SIX2: variants seen among roughly 807,000 people sequenced by gnomAD.
The protein encoded by SIX2 is SIX homeobox 2.
In SIX2, 20 loss-of-function variants were observed where a neutral mutation model predicts 22.8. That is an observed-to-expected ratio of 0.88 (90% CI 0.62 to 1.28). The LOEUF (loss-of-function observed/expected upper bound fraction) is 1.28. SIX2 is among the 50% of genes most tolerant of loss of function. SIX2 has a pLI of 0.00. For synonymous variants in SIX2, 195 were observed against 186.4 expected (o/e 1.05, Z -0.37); for missense variants, 360 against 400.0 (o/e 0.90, Z 0.85).
chr2:45,006,566 GC>G lies in SIX2; in HGVS notation c.561-82del. 1 of 1,355,332 alleles carries G rather than the reference GC, an allele frequency of 7.4e-7. No homozygotes were observed. Among genetic ancestry groups the G allele is most frequent in the Non-Finnish European group, 1.0e-6 (1 of 957,176 alleles). 84.0% of individuals were successfully genotyped at this position (1,355,332 alleles called of 1,614,324 possible). A position where few individuals can be genotyped will look rare whatever the true frequency, so the allele number is the denominator to read the frequency against. Reference sequence around the variant, plus strand: ...GCCATCTCAGTCACAGTCAGAGCCAGCCACCAGCCTCGGGAGACAGATCCCG... The same window carrying G: ...GCCATCTCAGTCACAGTCAGAGCCAGCACCAGCCTCGGGAGACAGATCCCG... On this transcript the variant is annotated intron_variant, in intron 1 of 1. Transcript: ENST00000303077. The surrounding 1 kb of genome is among the most constrained non-coding windows in gnomAD (Gnocchi z 4.2).
At position 45,008,577 on chromosome 2, in the gene SIX2, G is replaced by A; in HGVS notation, c.534C>T (p.Arg178=). Residue 178 remains arginine (R), a synonymous_variant, in exon 1 of 2, where the codon CGC becomes CGT. Coordinates refer to ENST00000303077, the MANE Select transcript of SIX2 (RefSeq NM_016932.5). ...VSNWFKNRRQ[R]DRAAEAKERE... is the part of the protein sequence containing the mutation. ...TTTCCTTGGCCTCGGCCGCCCGGTC[G>A]CGCTGCCGCCGGTTCTTGAACCAGT... 1 of 1,613,888 alleles carries A rather than the reference G, an allele frequency of 6.2e-7. No homozygotes were observed. The highest frequency in any genetic ancestry group is 8.5e-7 in the Non-Finnish European group (1 of 1,179,958).
chr2:45,009,007 C>T lies in SIX2; in HGVS notation c.104G>A (p.Trp35Ter). 6.2e-7 allele frequency: 1 copy of T among 1,611,706 alleles called. No individual in the cohort carries two copies. The highest frequency in any genetic ancestry group is 8.5e-7 in the Non-Finnish European group (1 of 1,179,834). Residue 35 changes from tryptophan (W) to a stop codon, truncating the protein, a stop_gained, in exon 1 of 2, where the codon TGG becomes TAG. Coordinates refer to ENST00000303077, the MANE Select transcript of SIX2 (RefSeq NM_016932.5). LOFTEE classifies it high-confidence loss of function. ...GNIERLGRFL[W>*]SLPACEHLHK... The stretch of plus-strand genomic sequence containing the variant: ...AAGGTGCTCGCAGGCGGGCAGCGAC[C>T]ACAGGAAGCGGCCCAGCCGCTCGAT...
At position 45,005,343 on chromosome 2, in the gene SIX2, G is replaced by C. The variant is rs933020381; in HGVS notation, c.*827C>G. Reference sequence around the variant, plus strand: ...CCGGGAGCGCTGTAGTCACAGTCCCGGGAGGAAGAGCGCGGTGTGGCGGGG... The same window carrying C: ...CCGGGAGCGCTGTAGTCACAGTCCCCGGAGGAAGAGCGCGGTGTGGCGGGG... On this transcript the variant is annotated 3_prime_UTR_variant, in exon 2 of 2. Transcript: ENST00000303077. 4 of 152,350 alleles carry C rather than the reference G, an allele frequency of 2.6e-5. 1 individual carries two copies. The highest frequency in any genetic ancestry group is 7.2e-5 in the African/African-American group (3 of 41,568). 9.4% of individuals were successfully genotyped at this position (152,350 alleles called of 1,614,324 possible). A position where few individuals can be genotyped will look rare whatever the true frequency, so the allele number is the denominator to read the frequency against.
rs1359362660 is a variant in SIX2, at chr2:45,005,888, CAG to C, written c.*280_*281del. 2.5e-5 allele frequency: 14 copies of C among 554,520 alleles called. No homozygotes were observed. Among genetic ancestry groups the C allele is most frequent in the Non-Finnish European group, 3.9e-5 (12 of 308,030 alleles). The allele number at this position is 554,520 out of a possible 1,614,324, so 34.3% of individuals were successfully genotyped here. On this transcript the variant is annotated 3_prime_UTR_variant, in exon 2 of 2. Transcript: ENST00000303077. ...GACAAGAGAGGGTAAAAGGAAGAGA[CAG>C]AGGGAGAGAGAGAATGACAGTGGTG...
In SIX2 at chr2:45,006,265, C is replaced by A; in HGVS notation, c.781G>T (p.Gly261Cys). The A allele has an allele frequency of 6.2e-7, 1 of 1,614,202 alleles. No individual in the cohort carries two copies. Among genetic ancestry groups the A allele is most frequent in the Non-Finnish European group, 8.5e-7 (1 of 1,180,012 alleles). The stretch of plus-strand genomic sequence containing the variant: ...TGCAGTGGGTCCGCTCCACCTCCGC[C>A]TGGCACCGGCACTGGCACTGCGCTG... The part of the protein sequence containing the change: ...GPSAVPVPVP[G>C]GGGADPLQHH... Residue 261 changes from glycine to cysteine, a missense_variant, in exon 2 of 2, where the codon GGC becomes TGC. Physicochemically the swap from Gly to Cys is radical, Grantham distance 159 (BLOSUM62 -3). Coordinates refer to ENST00000303077, the MANE Select transcript of SIX2 (RefSeq NM_016932.5). The surrounding 1 kb of genome is among the most constrained non-coding windows in gnomAD (Gnocchi z 4.2).
In SIX2 at chr2:45,006,211, G is replaced by C. The variant is rs754988790; in HGVS notation, c.835C>G (p.Leu279Val). ...QHHHGLQDSI[L>V]NPMSANLVDL... Reference sequence around the variant, plus strand: ...ACGAGGTTGGCTGACATGGGGTTGAGGATGGAGTCCTGCAGGCCATGGTGG... The same window carrying C: ...ACGAGGTTGGCTGACATGGGGTTGACGATGGAGTCCTGCAGGCCATGGTGG... The change falls in exon 2 of 2, where the codon CTC (leucine) becomes GTC (valine). Residue 279 changes from leucine to valine, a missense_variant. This residue lies in a region of SIX2 where 235 missense variants were observed against 231.9 expected (regional missense o/e 1.01). Coordinates refer to ENST00000303077, the MANE Select transcript of SIX2 (RefSeq NM_016932.5). The surrounding 1 kb of genome is among the most constrained non-coding windows in gnomAD (Gnocchi z 4.2). 6.2e-7 allele frequency: 1 copy of C among 1,614,240 alleles called. No homozygotes were observed. The highest frequency in any genetic ancestry group is 8.5e-7 in the Non-Finnish European group (1 of 1,180,038).
chr2:45,007,138 G>T (rs554910167), intron 1 of SIX2, among the ~76,000 whole-genome samples: 12 of 152,324 alleles, frequency 7.9e-5, no homozygotes, highest in African/African-American at 2.6e-4. Context: ...CTCCCTTTCC[G>T]TGGTGGTACA....
At position 45,008,914 on chromosome 2, in the gene SIX2, A is replaced by G; in HGVS notation, c.197T>C (p.Leu66Pro). The G allele has an allele frequency of 6.2e-7, 1 of 1,613,864 alleles. No individual in the cohort carries two copies. The highest frequency in any genetic ancestry group is 8.5e-7 in the Non-Finnish European group (1 of 1,179,958). ...CTGGTGGCTCTCCAGGATCTTGTAG[A>G]GCTCGCGGAAGTTGCCGCGGTGGAA... The part of the protein sequence containing the change: ...VAFHRGNFRE[L>P]YKILESHQFS... The change falls in exon 1 of 2, where the codon CTC (leucine) becomes CCC (proline). Residue 66 changes from leucine (L) to proline (P), a missense_variant. Physicochemically the swap from Leu to Pro is moderately conservative, Grantham distance 98 (BLOSUM62 -3). Transcript: ENST00000303077.
chr2:45,006,201 A>T lies in SIX2; in HGVS notation c.845T>A (p.Met282Lys). The T allele has an allele frequency of 6.2e-7, 1 of 1,614,202 alleles. No homozygotes were observed. Residue 282 changes from methionine (M) to lysine (K), a missense_variant, in exon 2 of 2, where the codon ATG becomes AAG. Around this residue, in one of 3 missense-constraint regions of SIX2, gnomAD observed 235 missense variants for 231.9 expected, o/e 1.01. Transcript: ENST00000303077. This position sits in a 1 kb window ranked among gnomAD's most constrained non-coding sequence, Gnocchi z 4.2. The part of the protein sequence containing the change: ...HGLQDSILNP[M>K]SANLVDLGS ...GCCCAGGTCCACGAGGTTGGCTGAC[A>T]TGGGGTTGAGGATGGAGTCCTGCAG...
Position 45,005,724 on chromosome 2 carries a change from G to C in SIX2, c.*446C>G, listed in dbSNP as rs902304080. ...GGAGAAACAGAGAAGGAGAGAGAAA[G>C]GGAGAGACAGAAGGAGAGAATGAAC... On this transcript the variant is annotated 3_prime_UTR_variant, in exon 2 of 2. Transcript: ENST00000303077. 9 of 304,788 alleles carry C rather than the reference G, an allele frequency of 3.0e-5. No individual in the cohort carries two copies. Among genetic ancestry groups the C allele is most frequent in the Non-Finnish European group, 5.7e-5 (9 of 158,270 alleles). The allele number at this position is 304,788 out of a possible 1,614,324, so 18.9% of individuals were successfully genotyped here.
rs11540435 is a variant in SIX2, at chr2:45,008,858, G to A, written c.253C>T (p.Gln85Ter). ...FSPHNHAKLQ[Q>*]LWLKAHYIEA... Reference sequence around the variant, plus strand: ...ATGTAGTGTGCCTTGAGCCACAGCTGCTGCAGCTTGGCGTGGTTGTGCGGC... The same window carrying A: ...ATGTAGTGTGCCTTGAGCCACAGCTACTGCAGCTTGGCGTGGTTGTGCGGC... Residue 85 changes from glutamine (Q) to a stop codon, truncating the protein, a stop_gained, in exon 1 of 2, where the codon CAG becomes TAG. Coordinates refer to ENST00000303077, the MANE Select transcript of SIX2 (RefSeq NM_016932.5). LOFTEE classifies it high-confidence loss of function. 2 of 1,614,010 alleles carry A rather than the reference G, an allele frequency of 1.2e-6. No homozygotes were observed. The highest frequency in any genetic ancestry group is 1.7e-6 in the Non-Finnish European group (2 of 1,179,984).
chr2:45,009,219 C>G lies in SIX2; in HGVS notation c.-109G>C, dbSNP rs1200210494. 2.2e-6 allele frequency: 2 copies of G among 914,924 alleles called. No individual in the cohort carries two copies. Among genetic ancestry groups the G allele is most frequent in the Non-Finnish European group, 1.4e-6 (1 of 710,040 alleles). The allele number at this position is 914,924 out of a possible 1,614,324, so 56.7% of individuals were successfully genotyped here. A position where few individuals can be genotyped will look rare whatever the true frequency, so the allele number is the denominator to read the frequency against. ...CGGGCCGAGACGCGGGCGGGGCTGG[C>G]CCCCTGGCCCGGCACTGGCCCCCGG... On this transcript the variant is annotated 5_prime_UTR_variant, in exon 1 of 2. Coordinates refer to ENST00000303077, the MANE Select transcript of SIX2 (RefSeq NM_016932.5).
chr2:45,008,818 A>G lies in SIX2; in HGVS notation c.293T>C (p.Leu98Pro). ...LKAHYIEAEKLRGRPLGAVGK... is the reference protein window; with the variant it reads ...LKAHYIEAEKPRGRPLGAVGK... ...CACGGCGCCCAGGGGTCGGCCGCGC[A>G]GCTTCTCCGCCTCGATGTAGTGTGC... Residue 98 changes from leucine (L) to proline (P), a missense_variant, in exon 1 of 2, where the codon CTG becomes CCG. Coordinates refer to ENST00000303077, the MANE Select transcript of SIX2 (RefSeq NM_016932.5). The G allele has an allele frequency of 6.2e-7, 1 of 1,613,876 alleles. No homozygotes were observed. The highest frequency in any genetic ancestry group is 1.1e-5 in the South Asian group (1 of 91,086).
chr2:45,007,668 G>A (rs971549515), intron 1 of SIX2, among the ~76,000 whole-genome samples: 1 of 152,080 alleles, frequency 6.6e-6, no homozygotes, highest in Admixed American at 6.5e-5. Flanking sequence ...CTCTTACCCC[G>A]GGCTGGATTC....
In SIX2 at chr2:45,006,312, C is replaced by A; in HGVS notation, c.734G>T (p.Ser245Ile). The A allele has an allele frequency of 6.2e-7, 1 of 1,613,994 alleles. No homozygotes were observed. The highest frequency in any genetic ancestry group is 8.5e-7 in the Non-Finnish European group (1 of 1,179,904). The part of the protein sequence containing the change: ...PPPPGLPSLH[S>I]LGHPPGPSAV... The stretch of plus-strand genomic sequence containing the variant: ...GCTGGGGCCCGGAGGGTGGCCCAGG[C>A]TGTGCAGGGACGGCAGCCCAGGGGG... Residue 245 changes from serine (S) to isoleucine (I), a missense_variant, in exon 2 of 2, where the codon AGC (serine) becomes ATC (isoleucine). By Grantham distance (142) the Ser-to-Ile change is moderately radical. Coordinates refer to ENST00000303077, the MANE Select transcript of SIX2 (RefSeq NM_016932.5). This position sits in a 1 kb window ranked among gnomAD's most constrained non-coding sequence, Gnocchi z 4.2.
At chr2:45,008,479 C>G (rs781074095) in intron 1 of SIX2, 72 bp downstream of exon 1, 41 of 1,526,710 alleles carry the variant, frequency 2.7e-5, no homozygotes, top group Non-Finnish European at 3.7e-5. Flanking sequence ...TCCGGGGGAC[C>G]GGCAGAAGCC....
chr2:45,008,589 G>A lies in SIX2; in HGVS notation c.522C>T (p.Asn174=). The change falls in exon 1 of 2, where the codon AAC becomes AAT. Residue 174 remains asparagine (N), a synonymous_variant. Coordinates refer to ENST00000303077, the MANE Select transcript of SIX2 (RefSeq NM_016932.5). The stretch of plus-strand genomic sequence containing the variant: ...CGGCCGCCCGGTCGCGCTGCCGCCG[G>A]TTCTTGAACCAGTTGCTGACCTGTG... ...TTTQVSNWFK[N]RRQRDRAAEA... is the part of the protein sequence containing the mutation. 1 of 1,614,004 alleles carries A rather than the reference G, an allele frequency of 6.2e-7. No homozygotes were observed. The highest frequency in any genetic ancestry group is 2.2e-5 in the East Asian group (1 of 44,874).
At chr2:45,007,947 G>T (rs192449699) in intron 1 of SIX2, among the ~76,000 whole-genome samples, 1 of 152,146 alleles carries the variant, frequency 6.6e-6, no homozygotes, top group African/African-American at 2.4e-5. Context: ...CAGGGCATGC[G>T]TCTCTTCTCT....
Position 45,006,606 on chromosome 2 carries a change from C to A in SIX2, c.561-121G>T. The A allele has an allele frequency of 3.2e-6, 3 of 947,270 alleles. No individual in the cohort carries two copies. Among genetic ancestry groups the A allele is most frequent in the East Asian group, 2.4e-5 (1 of 41,098 alleles). 58.7% of individuals were successfully genotyped at this position (947,270 alleles called of 1,614,324 possible). Reference sequence around the variant, plus strand: ...AGACAGATCCCGGGCTTGTGGCCTGCGGGTGTTTTCGGTTTCTACCATTTC... The same window carrying A: ...AGACAGATCCCGGGCTTGTGGCCTGAGGGTGTTTTCGGTTTCTACCATTTC... On this transcript the variant is annotated intron_variant, in intron 1 of 1. Coordinates refer to ENST00000303077, the MANE Select transcript of SIX2 (RefSeq NM_016932.5). This position sits in a 1 kb window ranked among gnomAD's most constrained non-coding sequence, Gnocchi z 4.2.
Sources: allele counts gnomAD v4.1 joint callset (sites outside exome capture counted in the v4.1 genomes callset), GRCh38; gene constraint gnomAD v4.1.1; regional missense constraint gnomAD v4.1.1; non-coding constraint Gnocchi (gnomAD v3.1); transcripts MANE v1.5; gene names NCBI Gene and HGNC (gene_info 2026-07-23, HGNC 2026-07-21).